DCT: variants seen among roughly 807,000 people sequenced by gnomAD.
DCT encodes dopachrome tautomerase.
DCT carries 47 observed loss-of-function variants against 53.0 expected under a neutral mutation model. The observed-to-expected ratio is 0.89, with a 90% CI of 0.70 to 1.13. DCT has a LOEUF of 1.13. Among genes scored for constraint, DCT ranks in the 50% most tolerant of loss-of-function variants. The pLI is 0.00. For synonymous variants in DCT, 244 were observed against 237.0 expected, an observed-to-expected ratio of 1.03 and a Z score of -0.27; for missense variants, 669 against 637.4, an observed-to-expected ratio of 1.05 and a Z score of -0.53.
chr13:94,523,742 T>A, the DCT span, among the ~76,000 whole-genome samples: 1 of 152,104 alleles, frequency 6.6e-6, no homozygotes, highest in Non-Finnish European at 1.5e-5. Context: ...TGGGGAGAAA[T>A]GAGATTCTTG....
At chr13:94,545,153 T>C in the DCT span, among the ~76,000 whole-genome samples, 1 of 152,092 alleles carries the variant, frequency 6.6e-6, no homozygotes, top group African/African-American at 2.4e-5. Flanking sequence ...TGACAGTGTT[T>C]GACATCTATT....
At chr13:94,478,452 C>T (rs1283888625) in intron 1 of DCT, among the ~76,000 whole-genome samples, 1 of 151,944 alleles carries the variant, frequency 6.6e-6, no homozygotes, top group Non-Finnish European at 1.5e-5. Flanking sequence ...ACTCCAGCCA[C>T]GGTGACAAAG....
At chr13:94,450,443 G>A (rs3782973) in intron 6 of DCT, among the ~76,000 whole-genome samples, 121,803 of 152,088 alleles carry the variant, frequency 0.8, 50,237 homozygotes, top group African/African-American at 0.93. Flanking sequence ...GCAAAACAGA[G>A]AGTATTTCTC....
At chr13:94,472,579 T>TTG (rs1884812903) in intron 1 of DCT, among the ~76,000 whole-genome samples, 1 of 56,940 alleles carries the variant, frequency 1.8e-5, no homozygotes, top group Non-Finnish European at 4.1e-5. Context: ...TTTTTTTTTT[T>TTG]TTTTTTTTTT....
chr13:94,481,539 A>C (rs1344611480), upstream of DCT, among the ~76,000 whole-genome samples: 2 of 152,180 alleles, frequency 1.3e-5, no homozygotes, highest in African/African-American at 4.8e-5. Context: ...TTGGATGTTA[A>C]AACTGATGGA....
chr13:94,488,719 TATATAC>T, the DCT span, among the ~76,000 whole-genome samples: 699 of 83,552 alleles, frequency 8.4e-3, 3 homozygotes, highest in African/African-American at 0.03. Flanking sequence ...TCTTGTCTAA[TATATAC>T]ACACACACAC....
In DCT at chr13:94,479,140, T is replaced by G; in HGVS notation, c.116A>C (p.Glu39Ala). The G allele has an allele frequency of 1.9e-6, 3 of 1,614,134 alleles. No individual in the cohort carries two copies. The highest frequency in any genetic ancestry group is 1.6e-4 in the Middle Eastern group (1 of 6,062). The change falls in exon 1 of 8, where the codon GAG (glutamate) becomes GCG (alanine). Residue 39 changes from glutamate (E) to alanine (A), a missense_variant. Transcript: ENST00000377028. ...CMTVDSLVNK[E>A]CCPRLGAESA... ...CTCTGCACCCAGGCGTGGGCAGCAC[T>G]CCTTGTTCACTAGGCTGTCCACCGT...
intron 3 of DCT, among the ~76,000 whole-genome samples, chr13:94,466,006 A>C (rs1486073311): frequency 1.3e-4 from 7 of 53,728 alleles, no homozygotes; most frequent in African/African-American, 3.9e-4. Flanking sequence ...ATATATATAT[A>C]TATATATATA....
At chr13:94,474,734 T>G (rs950124550) in intron 1 of DCT, among the ~76,000 whole-genome samples, 2 of 152,216 alleles carry the variant, frequency 1.3e-5, no homozygotes, top group African/African-American at 4.8e-5. Context: ...GTGGCTTTTT[T>G]GTTTCAATTT....
upstream of DCT, among the ~76,000 whole-genome samples, chr13:94,482,310 T>C (rs1370393918): frequency 6.6e-6 from 1 of 152,196 alleles, no homozygotes; most frequent in African/African-American, 2.4e-5. Flanking sequence ...CCTCTCAATC[T>C]CTTCTTCTGG....
In DCT at chr13:94,439,850, A is replaced by C; in HGVS notation, c.*48T>G. 2 of 1,445,886 alleles carry C rather than the reference A, an allele frequency of 1.4e-6. No individual in the cohort carries two copies. The highest frequency in any genetic ancestry group is 1.9e-6 in the Non-Finnish European group (2 of 1,049,680). 89.6% of individuals were successfully genotyped at this position (1,445,886 alleles called of 1,614,324 possible). On this transcript the variant is annotated 3_prime_UTR_variant, in exon 8 of 8. Coordinates refer to ENST00000377028, the MANE Select transcript of DCT (RefSeq NM_001922.5). Reference sequence around the variant, plus strand: ...GATTAGTTCCTTTATTGTCAGCGTCAGAACTGTGGCTTGGCCAGCCTCTTC... The same window carrying C: ...GATTAGTTCCTTTATTGTCAGCGTCCGAACTGTGGCTTGGCCAGCCTCTTC...
Position 94,479,197 on chromosome 13 carries a change from C to T in DCT, c.59G>A (p.Gly20Glu). ...LSCLGCKILPGAQGQFPRVCM... is the reference protein window; with the variant it reads ...LSCLGCKILPEAQGQFPRVCM... Reference sequence around the variant, plus strand: ...GACTCGGGGGAACTGACCCTGGGCTCCTGGCAGGATTTTGCAGCCCAAGCA... The same window carrying T: ...GACTCGGGGGAACTGACCCTGGGCTTCTGGCAGGATTTTGCAGCCCAAGCA... The change falls in exon 1 of 8, where the codon GGA (glycine) becomes GAA (glutamate). Residue 20 changes from glycine (G) to glutamate (E), a missense_variant. Physicochemically the swap from Gly to Glu is moderately conservative, Grantham distance 98 (BLOSUM62 -2). Transcript: ENST00000377028. 2 of 1,609,524 alleles carry T rather than the reference C, an allele frequency of 1.2e-6. No homozygotes were observed. Among genetic ancestry groups the T allele is most frequent in the Non-Finnish European group, 1.7e-6 (2 of 1,176,150 alleles).
chr13:94,439,612 G>C lies in DCT; in HGVS notation c.*286C>G, dbSNP rs545293957. On this transcript the variant is annotated 3_prime_UTR_variant, in exon 8 of 8. Coordinates refer to ENST00000377028, the MANE Select transcript of DCT (RefSeq NM_001922.5). ...TTAAATGCTTTCAGAAAAGGAGGAG[G>C]CTTAATCAATATTGGGGGGGGGGTT... is the stretch of plus-strand genomic sequence containing the variant. The C allele has an allele frequency of 3.5e-5, 7 of 199,258 alleles. No individual in the cohort carries two copies. Among genetic ancestry groups the C allele is most frequent in the Non-Finnish European group, 6.9e-5 (7 of 101,540 alleles). The allele number at this position is 199,258 out of a possible 1,614,324, so 12.3% of individuals were successfully genotyped here.
chr13:94,465,875 G>T, intron 3 of DCT, 76 bp from the exon 4 acceptor site: 1 of 1,236,464 alleles, frequency 8.1e-7, no homozygotes, highest in Non-Finnish European at 1.1e-6. Context: ...GGCAAAGGCT[G>T]ATATGTATCT....
At chr13:94,461,873 T>C in intron 5 of DCT, 137 bp downstream of exon 5, 1 of 674,992 alleles carries the variant, frequency 1.5e-6, no homozygotes. Context: ...CCTTGCTAAC[T>C]TCTCTCGTTA....
At chr13:94,465,406 T>A (rs1309977576) in intron 4 of DCT, 1 of 331,094 alleles carries the variant, frequency 3.0e-6, no homozygotes, top group East Asian at 5.3e-5. Context: ...GATCTCAAAA[T>A]GATGGCCAAG....
chr13:94,494,540 A>C, the DCT span, among the ~76,000 whole-genome samples: 484 of 152,240 alleles, frequency 3.2e-3, 3 homozygotes, highest in African/African-American at 0.011. Flanking sequence ...TGCAACAGCA[A>C]AATTAGGAAG....
rs1344870986 is a variant in DCT at position 94,438,471 on chromosome 13, TGCACCCTCTA to T, written c.*1417_*1426del. Reference sequence around the variant, plus strand: ...GGGTAAACTGGTTCTTGATGAGTCTTGCACCCTCTAGGACCCCTTATGTTGAAGGCAGCTC... The same window carrying T: ...GGGTAAACTGGTTCTTGATGAGTCTTGGACCCCTTATGTTGAAGGCAGCTC... On this transcript the variant is annotated 3_prime_UTR_variant, in exon 8 of 8. Transcript: ENST00000377028. 2.1e-5 allele frequency: 8 copies of T among 386,142 alleles called. No individual in the cohort carries two copies. Among genetic ancestry groups the T allele is most frequent in the Middle Eastern group, 3.7e-4 (1 of 2,704 alleles). 23.9% of individuals were successfully genotyped at this position (386,142 alleles called of 1,614,324 possible).
At chr13:94,501,723 C>A in the DCT span, among the ~76,000 whole-genome samples, 68,392 of 151,242 alleles carry the variant, frequency 0.45, 16,805 homozygotes, top group African/African-American at 0.64. Context: ...ACCAAACCTG[C>A]GAGAGTGAGG....
Sources: gnomAD v4.1 joint callset for allele counts (sites outside exome capture counted in the v4.1 genomes callset) on GRCh38, gnomAD v4.1.1 for gene constraint, MANE v1.5 for transcripts, NCBI Gene and HGNC (gene_info 2026-07-23, HGNC 2026-07-21) for gene names.